The following ZNF565 variants were observed in gnomAD, a reference collection of about 807,000 sequenced individuals.
ZNF565 encodes the protein zinc finger protein 565.
Under a neutral mutation model 39.4 loss-of-function variants are expected in ZNF565, and 27 were observed. The ratio of observed to expected loss-of-function variants is 0.69; its 90% CI spans 0.51 to 0.95. ZNF565 has a LOEUF of 0.95. Among genes scored for constraint, ZNF565 ranks in the 40% least tolerant of loss-of-function variants. The probability of loss-of-function intolerance (pLI) is 0.00; values close to 1 mark genes in which losing one functional copy is unlikely to be tolerated. For missense variants in ZNF565, 524 were observed against 621.1 expected (o/e 0.84, Z 1.66); for synonymous variants, 185 against 216.6 (o/e 0.85, Z 1.28).
At chr19:36,238,782 T>G (rs1977741678) in intron 1 of ZNF565, 1 of 167,018 alleles carries the variant, frequency 6.0e-6, no homozygotes, top group Non-Finnish European at 1.5e-5. Context: ...AAATCTGTTT[T>G]AATTATTTTA....
intron 1 of ZNF565, chr19:36,237,379 G>A (rs991534309): frequency 2.0e-6 from 3 of 1,524,680 alleles, no homozygotes; most frequent in Non-Finnish European, 2.6e-6. Flanking sequence ...ACCTCATCAT[G>A]CCCCAGAAAT....
upstream of ZNF565, among the ~76,000 whole-genome samples, chr19:36,217,667 C>T (rs372392343): frequency 9.9e-5 from 15 of 152,024 alleles, no homozygotes; most frequent in South Asian, 2.7e-3. Context: ...GGCGGATCAC[C>T]TGAGGTCAGG....
At chr19:36,225,507 C>CT (rs34008093) in intron 1 of ZNF565, among the ~76,000 whole-genome samples, 16 of 149,432 alleles carry the variant, frequency 1.1e-4, no homozygotes, top group South Asian at 2.1e-4. Context: ...GTGATTCTTA[C>CT]TTTTTTTTTT....
At chr19:36,207,233 A>C (rs2145356822) in intron 1 of ZNF565, among the ~76,000 whole-genome samples, 1 of 152,302 alleles carries the variant, frequency 6.6e-6, no homozygotes, top group South Asian at 2.1e-4. Flanking sequence ...AAGCCAAGGA[A>C]TGGCATAATC....
At chr19:36,185,159 A>C (rs1975242228) in intron 4 of ZNF565, among the ~76,000 whole-genome samples, 1 of 150,924 alleles carries the variant, frequency 6.6e-6, no homozygotes, top group South Asian at 2.1e-4. Context: ...TCATGTCTGT[A>C]ATCACAGCAC....
At chr19:36,190,963 G>A (rs1217972402) in intron 4 of ZNF565, among the ~76,000 whole-genome samples, 1 of 140,890 alleles carries the variant, frequency 7.1e-6, no homozygotes, top group Non-Finnish European at 1.5e-5. Flanking sequence ...CTGCACTCCA[G>A]CCTGGGTGAC....
rs761169087 is a variant in ZNF565, at chr19:36,194,332, T to C, written c.137-4A>G. ...TCAGGCTTAGAAATGGAGAGTCCTG[T>C]TTACAGGAAAAGAAATGGGGTGTGA... is the stretch of plus-strand genomic sequence containing the variant. On this transcript the variant is annotated splice_region_variant and splice_polypyrimidine_tract_variant and intron_variant, in intron 3 of 4. Transcript: ENST00000304116. 2.5e-6 allele frequency: 4 copies of C among 1,605,088 alleles called. No homozygotes were observed. The highest frequency in any genetic ancestry group is 1.7e-5 in the Admixed American group (1 of 58,570).
intron 4 of ZNF565, among the ~76,000 whole-genome samples, chr19:36,188,548 C>T (rs898404951): frequency 2.6e-5 from 4 of 151,382 alleles, no homozygotes; most frequent in Non-Finnish European, 5.9e-5. Context: ...CCCGTCTCTA[C>T]TAAAAATGCT....
chr19:36,200,949 A>G (rs976244474), intron 2 of ZNF565, among the ~76,000 whole-genome samples: 1 of 152,130 alleles, frequency 6.6e-6, no homozygotes, highest in Non-Finnish European at 1.5e-5. Context: ...CACTGCACCC[A>G]GCCATATAAA....
chr19:36,203,062 C>T (rs1024343028), intron 1 of ZNF565, among the ~76,000 whole-genome samples: 10 of 151,980 alleles, frequency 6.6e-5, no homozygotes, highest in African/African-American at 2.4e-4. Flanking sequence ...CAGCTGGGCA[C>T]GGTGGCTCAC....
intron 1 of ZNF565, among the ~76,000 whole-genome samples, chr19:36,204,715 TG>T (rs1976088278): frequency 6.6e-6 from 1 of 151,982 alleles, no homozygotes; most frequent in Non-Finnish European, 1.5e-5. Flanking sequence ...ATAGGCCAGG[TG>T]TGGTGGCTCA....
chr19:36,227,751 CTG>C (rs1023200062), intron 1 of ZNF565, among the ~76,000 whole-genome samples: 1 of 152,148 alleles, frequency 6.6e-6, no homozygotes, highest in African/African-American at 2.4e-5. Flanking sequence ...CGGTGTGTCA[CTG>C]TGTTGCCCAG....
chr19:36,222,460 G>A (rs1306598021), intron 1 of ZNF565, among the ~76,000 whole-genome samples: 1 of 152,256 alleles, frequency 6.6e-6, no homozygotes, highest in Admixed American at 6.5e-5. Context: ...TAATACAAAT[G>A]GCGCTGCCCA....
intron 4 of ZNF565, among the ~76,000 whole-genome samples, chr19:36,193,738 G>A (rs376424430): frequency 4.6e-5 from 7 of 152,118 alleles, no homozygotes; most frequent in African/African-American, 9.6e-5. Flanking sequence ...CACTGCGCCC[G>A]GCCAAAAATA....
intron 1 of ZNF565, among the ~76,000 whole-genome samples, chr19:36,202,758 T>C (rs1410677333): frequency 6.6e-6 from 1 of 152,164 alleles, no homozygotes; most frequent in Non-Finnish European, 1.5e-5. Flanking sequence ...TTCTAGCTTC[T>C]CTGGGCTCAA....
At chr19:36,196,210 G>A (rs559819127) in intron 2 of ZNF565, among the ~76,000 whole-genome samples, 2 of 152,238 alleles carry the variant, frequency 1.3e-5, no homozygotes, top group Admixed American at 6.5e-5. Context: ...GATGACAGGC[G>A]TGAGTCACTG....
intron 2 of ZNF565, 81 bp from the exon 3 acceptor site, chr19:36,195,237 T>C (rs1975714886): frequency 5.2e-6 from 8 of 1,532,116 alleles, no homozygotes; most frequent in Non-Finnish European, 7.1e-6. Context: ...TGCACAAAAG[T>C]ACAGAGAATA....
intron 1 of ZNF565, among the ~76,000 whole-genome samples, chr19:36,203,847 G>C (rs1379357368): frequency 6.6e-6 from 1 of 152,106 alleles, no homozygotes; most frequent in African/African-American, 2.4e-5. Context: ...AAAGTGTTGG[G>C]GTTAGCAGGG....
intron 1 of ZNF565, among the ~76,000 whole-genome samples, chr19:36,230,532 T>C (rs1410986663): frequency 6.6e-6 from 1 of 152,130 alleles, no homozygotes; most frequent in Non-Finnish European, 1.5e-5. Context: ...TCTCACTGAA[T>C]GCCATTTGAA....
Sources: gnomAD v4.1 joint callset for allele counts (sites outside exome capture counted in the v4.1 genomes callset) on GRCh38, gnomAD v4.1.1 for gene constraint, MANE v1.5 for transcripts, NCBI Gene and HGNC (gene_info 2026-07-23, HGNC 2026-07-21) for gene names.